The following CACNA1D variants were observed in gnomAD, a reference collection of about 807,000 sequenced individuals.
CACNA1D encodes the protein voltage-dependent L-type calcium channel subunit alpha-1D.
Under a neutral mutation model 257.1 loss-of-function variants are expected in CACNA1D, and 55 were observed. That is an observed-to-expected ratio of 0.21 (90% CI 0.17 to 0.27). The LOEUF (loss-of-function observed/expected upper bound fraction) is 0.27, where lower values mean the gene tolerates loss of function less well. Among genes scored for constraint, CACNA1D ranks in the 10% least tolerant of loss-of-function variants. CACNA1D has a pLI of 1.00. For synonymous variants in CACNA1D, 980 were observed against 1,014.9 expected, an observed-to-expected ratio of 0.97 and a Z score of 0.65; for missense variants, 1,876 against 2,784.0, an observed-to-expected ratio of 0.67 and a Z score of 7.34.
intron 3 of CACNA1D, among the ~76,000 whole-genome samples, chr3:53,578,709 G>T (rs1559868923): frequency 6.6e-6 from 1 of 152,172 alleles, no homozygotes; most frequent in Non-Finnish European, 1.5e-5. Flanking sequence ...TGAGGCACTA[G>T]TTCTTCAGGG....
intron 8 of CACNA1D, 90 bp from the exon 9 acceptor site, chr3:53,702,551 C>A: frequency 7.9e-7 from 1 of 1,261,904 alleles, no homozygotes. Flanking sequence ...TGTGTCCTGC[C>A]CACAAGACTG....
intron 3 of CACNA1D, among the ~76,000 whole-genome samples, chr3:53,601,900 G>A (rs548660545): frequency 2.6e-5 from 4 of 152,108 alleles, no homozygotes; most frequent in Non-Finnish European, 5.9e-5. Context: ...TAGTAGGGAC[G>A]GGGTTTCACC....
At chr3:53,605,232 T>A (rs2093493746) in intron 3 of CACNA1D, among the ~76,000 whole-genome samples, 1 of 152,164 alleles carries the variant, frequency 6.6e-6, no homozygotes, top group Non-Finnish European at 1.5e-5. Flanking sequence ...TCCCATGTAG[T>A]GTGAGACCAC....
Position 53,723,698 on chromosome 3 carries a change from C to T in CACNA1D, c.1892+39C>T, listed in dbSNP as rs771788425. The T allele has an allele frequency of 6.2e-7, 1 of 1,600,032 alleles. No individual in the cohort carries two copies. The highest frequency in any genetic ancestry group is 8.6e-7 in the Non-Finnish European group (1 of 1,167,176). The stretch of plus-strand genomic sequence containing the variant: ...GGTCCCACTGCAAATGTTTTATGAA[C>T]ATGAGGCGGCAACCAGTCACATCCC... On this transcript the variant is annotated intron_variant, in intron 13 of 47. Coordinates refer to ENST00000350061, the MANE Select transcript of CACNA1D (RefSeq NM_001128840.3). The surrounding 1 kb of genome is among the most constrained non-coding windows in gnomAD (Gnocchi z 5.6).
rs572494653 is a variant in CACNA1D at position 53,640,261 on chromosome 3, T to C, written c.484-10518T>C. On this transcript the variant is annotated intron_variant, in intron 3 of 47. Transcript: ENST00000350061. ...ACAGTGTATGACTTTGATCAGCCCA[T>C]GTAGGGCACATTCCCATTGCCATCC... Among the ~76,000 whole-genome samples the C allele has an allele frequency of 1.4e-4, 21 of 152,308 alleles. 2 individuals carry two copies. In the South Asian group the frequency reaches 2.5e-3, roughly 18 times the overall value.
intron 8 of CACNA1D, among the ~76,000 whole-genome samples, chr3:53,675,812 G>A (rs180694878): frequency 6.6e-6 from 1 of 152,296 alleles, no homozygotes; most frequent in Non-Finnish European, 1.5e-5. Context: ...GGAGGAGACT[G>A]GAAATGACAC....
intron 2 of CACNA1D, among the ~76,000 whole-genome samples, chr3:53,499,108 C>G (rs926506873): frequency 6.6e-6 from 1 of 152,016 alleles, no homozygotes; most frequent in Non-Finnish European, 1.5e-5. Flanking sequence ...GGTGGGAGGC[C>G]TGATGCTGTT....
intron 9 of CACNA1D, chr3:53,710,530 T>C: frequency 2.2e-6 from 1 of 455,626 alleles, no homozygotes; most frequent in Non-Finnish European, 4.4e-6. Flanking sequence ...TGATACCTTT[T>C]CCTTGCACAT....
intron 20 of CACNA1D, 77 bp downstream of exon 20, chr3:53,735,580 T>A: frequency 6.5e-7 from 1 of 1,528,976 alleles, no homozygotes; most frequent in Non-Finnish European, 9.0e-7. Context: ...AGATGGGAGC[T>A]GTGGAGGCCC....
intron 3 of CACNA1D, among the ~76,000 whole-genome samples, chr3:53,508,046 C>T (rs910702037): frequency 6.6e-6 from 1 of 152,228 alleles, no homozygotes; most frequent in Non-Finnish European, 1.5e-5. Flanking sequence ...GAGCCAGAGT[C>T]TGACTGACCT....
intron 3 of CACNA1D, among the ~76,000 whole-genome samples, chr3:53,604,566 G>T (rs958851092): frequency 1.3e-5 from 2 of 152,146 alleles, no homozygotes; most frequent in African/African-American, 4.8e-5. Flanking sequence ...AATAGCCATG[G>T]GACCAACATC....
At chr3:53,687,288 A>G (rs775726236) in intron 8 of CACNA1D, among the ~76,000 whole-genome samples, 1 of 152,120 alleles carries the variant, frequency 6.6e-6, no homozygotes, top group Non-Finnish European at 1.5e-5. Flanking sequence ...AAACTAATAT[A>G]TAATTGCAAA....
chr3:53,529,250 A>C (rs1315995673), intron 3 of CACNA1D, among the ~76,000 whole-genome samples: 1 of 152,146 alleles, frequency 6.6e-6, no homozygotes, highest in East Asian at 1.9e-4. Flanking sequence ...TGTCTTTTCT[A>C]CATGTATTGA....
chr3:53,740,201 G>A (rs2108811900), intron 20 of CACNA1D, 79 bp from the exon 21 acceptor site: 1 of 1,013,432 alleles, frequency 9.9e-7, no homozygotes, highest in South Asian at 1.3e-5. Context: ...GACTGGATCG[G>A]GGGTTTCTGC....
intron 40 of CACNA1D, among the ~76,000 whole-genome samples, chr3:53,790,653 G>A (rs2095478567): frequency 6.6e-6 from 1 of 152,244 alleles, no homozygotes; most frequent in African/African-American, 2.4e-5. Flanking sequence ...TGGCGATGCA[G>A]GTGGTTGAGG....
At position 53,747,307 on chromosome 3, in the gene CACNA1D, T is replaced by C; in HGVS notation, c.3173T>C (p.Leu1058Pro). The change falls in exon 26 of 48, where the codon CTT becomes CCT. Residue 1058 changes from leucine to proline, a missense_variant. By Grantham distance (98) the Leu-to-Pro change is moderately conservative. Transcript: ENST00000350061. ...ACACCTGTTTTCCTCTCCAGGGGAC[T>C]TTTCATCCTCTACAAGGATGGGGAT... ...AKSNPEECRGLFILYKDGDVD... is the reference protein window; with the variant it reads ...AKSNPEECRGPFILYKDGDVD... 1 of 1,614,050 alleles carries C rather than the reference T, an allele frequency of 6.2e-7. No homozygotes were observed. Among genetic ancestry groups the C allele is most frequent in the East Asian group, 2.2e-5 (1 of 44,878 alleles).
intron 3 of CACNA1D, among the ~76,000 whole-genome samples, chr3:53,633,714 A>G (rs1311183762): frequency 6.6e-6 from 1 of 152,186 alleles, no homozygotes; most frequent in African/African-American, 2.4e-5. Context: ...TTCAGAACCC[A>G]CCTATTTGCC....
rs148303200 is a variant in CACNA1D, at chr3:53,532,551, TG to T, written c.483+30832del. ...GAATGAAGAGATGGATAAAGATAAG[TG>T]TTAAGCACTTTTTGGTGGTACTGGA... On this transcript the variant is annotated intron_variant, in intron 3 of 47. Transcript: ENST00000350061. Among the ~76,000 whole-genome samples, 1,310 of 152,300 alleles carry T rather than the reference TG, an allele frequency of 8.6e-3. 21 individuals are homozygous for T. Among genetic ancestry groups the T allele is most frequent in the African/African-American group, 0.03 (1,246 of 41,562 alleles).
intron 3 of CACNA1D, among the ~76,000 whole-genome samples, chr3:53,505,704 C>T (rs2107177473): frequency 6.6e-6 from 1 of 152,274 alleles, no homozygotes; most frequent in Admixed American, 6.5e-5. Context: ...AGCTTAGGGT[C>T]TGCGGCCCTT....
Sources: allele counts gnomAD v4.1 joint callset (sites outside exome capture counted in the v4.1 genomes callset), GRCh38; gene constraint gnomAD v4.1.1; non-coding constraint Gnocchi (gnomAD v3.1); transcripts MANE v1.5; gene names NCBI Gene and HGNC (gene_info 2026-07-23, HGNC 2026-07-21).